Variants in MALSU1 observed in about 807,000 individuals in gnomAD.
MALSU1 encodes the protein mitochondrial assembly of ribosomal large subunit 1.
In MALSU1, 22 loss-of-function variants were observed where a neutral mutation model predicts 22.1. The ratio of observed to expected loss-of-function variants is 1.00; its 90% confidence interval spans 0.71 to 1.42. The LOEUF is 1.42. MALSU1 is among the 40% of genes most tolerant of loss of function. The probability of loss-of-function intolerance (pLI) is 0.00; values close to 1 mark genes in which losing one functional copy is unlikely to be tolerated. For missense variants in MALSU1, 379 were observed against 308.3 expected, an observed-to-expected ratio of 1.23 and a Z score of -1.72; for synonymous variants, 153 against 118.5, an observed-to-expected ratio of 1.29 and a Z score of -1.89.
In MALSU1 at chr7:23,310,830, T is replaced by A. The variant is rs1395134938; in HGVS notation, c.*1287T>A. The A allele has an allele frequency of 6.6e-6, 1 of 152,150 alleles. No homozygotes were observed. The highest frequency in any genetic ancestry group is 2.4e-5 in the African/African-American group (1 of 41,430). The allele number at this position is 152,150 out of a possible 1,614,324, so 9.4% of individuals were successfully genotyped here. ...GTTATATATATGTCCTTTAGATCAGTGTAACATGACTGTGATCATCTTACA... is the reference window on the plus strand; with the variant it reads ...GTTATATATATGTCCTTTAGATCAGAGTAACATGACTGTGATCATCTTACA... On this transcript the variant is annotated 3_prime_UTR_variant, in exon 4 of 4. Transcript: ENST00000466681.
Position 23,309,687 on chromosome 7 carries a change from G to C in MALSU1, c.*144G>C. 1 of 573,446 alleles carries C rather than the reference G, an allele frequency of 1.7e-6. No individual in the cohort carries two copies. The highest frequency in any genetic ancestry group is 2.9e-6 in the Non-Finnish European group (1 of 342,716). The allele number at this position is 573,446 out of a possible 1,614,324, so 35.5% of individuals were successfully genotyped here. A position where few individuals can be genotyped will look rare whatever the true frequency, so the allele number is the denominator to read the frequency against. ...CATGGGCACTCCTGCTAACTGGCAT[G>C]CAGAGACTGTCGATAAGTGAGCTAT... On this transcript the variant is annotated 3_prime_UTR_variant, in exon 4 of 4. Coordinates refer to ENST00000466681, the MANE Select transcript of MALSU1 (RefSeq NM_138446.2).
intron 2 of MALSU1, among the ~76,000 whole-genome samples, chr7:23,304,390 A>G (rs989842720): frequency 1.3e-5 from 2 of 152,148 alleles, no homozygotes; most frequent in Admixed American, 6.5e-5. Context: ...GCATGACGTG[A>G]TATCTCATTG....
At chr7:23,306,739 C>G (rs1179053214) in intron 2 of MALSU1, among the ~76,000 whole-genome samples, 2 of 152,076 alleles carry the variant, frequency 1.3e-5, no homozygotes, top group Non-Finnish European at 2.9e-5. Context: ...TTGCATTGAT[C>G]CGTTTTTATA....
chr7:23,302,646 G>A (rs926082013), intron 2 of MALSU1, among the ~76,000 whole-genome samples: 1 of 152,152 alleles, frequency 6.6e-6, no homozygotes. Context: ...AGAATGGGAG[G>A]TTTTACAGAG....
At chr7:23,300,123 C>T (rs1409811886) in intron 1 of MALSU1, among the ~76,000 whole-genome samples, 3 of 152,056 alleles carry the variant, frequency 2.0e-5, no homozygotes, top group African/African-American at 7.2e-5. Context: ...CTACTAGGTC[C>T]TTTGGAGTCG....
chr7:23,301,454 T>A (rs1391405176), intron 2 of MALSU1, among the ~76,000 whole-genome samples: 1 of 152,106 alleles, frequency 6.6e-6, no homozygotes, highest in African/African-American at 2.4e-5. Flanking sequence ...GAGACGGGTT[T>A]CTCCATGTTG....
chr7:23,309,660 C>T lies in MALSU1; in HGVS notation c.*117C>T. On this transcript the variant is annotated 3_prime_UTR_variant, in exon 4 of 4. Coordinates refer to ENST00000466681, the MANE Select transcript of MALSU1 (RefSeq NM_138446.2). ...TGCTCTTAGGACAAGGCTTGTGTAC[C>T]TCATGGGCACTCCTGCTAACTGGCA... The T allele has an allele frequency of 1.4e-6, 1 of 716,732 alleles. No individual in the cohort carries two copies. Among genetic ancestry groups the T allele is most frequent in the East Asian group, 2.9e-5 (1 of 34,332 alleles). The allele number at this position is 716,732 out of a possible 1,614,324, so 44.4% of individuals were successfully genotyped here. A position where few individuals can be genotyped will look rare whatever the true frequency, so the allele number is the denominator to read the frequency against.
At chr7:23,309,246 ACACTTGAGAAC>A in intron 3 of MALSU1, 99 bp from the exon 4 acceptor site, 2 of 1,003,530 alleles carry the variant, frequency 2.0e-6, no homozygotes, top group South Asian at 3.3e-5. Flanking sequence ...TCTGGGAACC[ACACTTGAGAAC>A]CACTGCTTTA....
rs1263859123 is a variant in MALSU1 at position 23,309,832 on chromosome 7, A to G, written c.*289A>G. On this transcript the variant is annotated 3_prime_UTR_variant, in exon 4 of 4. Transcript: ENST00000466681. The stretch of plus-strand genomic sequence containing the variant: ...GCTCCTGTGCTTGACTTCTCTGCTC[A>G]GATTTTTATTAATTTAATTTAGCTT... The G allele has an allele frequency of 9.9e-6, 2 of 202,088 alleles. No individual in the cohort carries two copies. The highest frequency in any genetic ancestry group is 4.6e-5 in the African/African-American group (2 of 43,376). The allele number at this position is 202,088 out of a possible 1,614,324, so 12.5% of individuals were successfully genotyped here. A position where few individuals can be genotyped will look rare whatever the true frequency, so the allele number is the denominator to read the frequency against.
intron 3 of MALSU1, 100 bp from the exon 4 acceptor site, chr7:23,309,256 A>C: frequency 9.1e-7 from 1 of 1,099,648 alleles, no homozygotes; most frequent in Non-Finnish European, 1.3e-6. Flanking sequence ...ACACTTGAGA[A>C]CCACTGCTTT....
intron 1 of MALSU1, among the ~76,000 whole-genome samples, chr7:23,299,812 C>A (rs1003729446): frequency 3.3e-5 from 5 of 152,204 alleles, no homozygotes; most frequent in Non-Finnish European, 5.9e-5. Flanking sequence ...AAGAGATGAA[C>A]TGCAGAATCC....
In MALSU1 at chr7:23,311,343, G is replaced by A. The variant is rs1783822514; in HGVS notation, c.*1800G>A. Reference sequence around the variant, plus strand: ...GAAAGTCTTGCATCTCTTCACTGATGCACTTTCTTTAGGTATTGATAGTCA... The same window carrying A: ...GAAAGTCTTGCATCTCTTCACTGATACACTTTCTTTAGGTATTGATAGTCA... On this transcript the variant is annotated 3_prime_UTR_variant, in exon 4 of 4. Coordinates refer to ENST00000466681, the MANE Select transcript of MALSU1 (RefSeq NM_138446.2). 1 of 152,528 alleles carries A rather than the reference G, an allele frequency of 6.6e-6. No homozygotes were observed. The highest frequency in any genetic ancestry group is 2.4e-5 in the African/African-American group (1 of 41,388). The allele number at this position is 152,528 out of a possible 1,614,324, so 9.4% of individuals were successfully genotyped here.
At chr7:23,308,019 A>G in intron 3 of MALSU1, 70 bp downstream of exon 3, 1 of 1,134,990 alleles carries the variant, frequency 8.8e-7, no homozygotes, top group Non-Finnish European at 1.3e-6. Context: ...TTTCAGTTGC[A>G]AAAGGATTGA....
At chr7:23,301,149 TGCA>T in intron 2 of MALSU1, 132 bp downstream of exon 2, 1 of 742,406 alleles carries the variant, frequency 1.3e-6, no homozygotes, top group Non-Finnish European at 2.2e-6. Flanking sequence ...TTTCAGAATT[TGCA>T]TGAATTCATT....
chr7:23,301,026 C>T lies in MALSU1; in HGVS notation c.435+9C>T, dbSNP rs775316696. The T allele has an allele frequency of 2.4e-5, 38 of 1,607,930 alleles. No individual in the cohort carries two copies. Among genetic ancestry groups the T allele is most frequent in the Non-Finnish European group, 3.0e-5 (35 of 1,176,296 alleles). On this transcript the variant is annotated intron_variant, in intron 2 of 3. Coordinates refer to ENST00000466681, the MANE Select transcript of MALSU1 (RefSeq NM_138446.2). ...TCTACGTTGTGAAAATGGTAGGATG[C>T]TTTCTTTTCTCTTTTGGACCATTAA...
At position 23,307,597 on chromosome 7, in the gene MALSU1, T is replaced by C. The variant is rs3772; in HGVS notation, c.436-271T>C. Reference sequence around the variant, plus strand: ...GTACCAAATGCTGACTGAGCTTAGCTTTTTCAGCCTCAGAGGCACCTTGGT... The same window carrying C: ...GTACCAAATGCTGACTGAGCTTAGCCTTTTCAGCCTCAGAGGCACCTTGGT... On this transcript the variant is annotated intron_variant, in intron 2 of 3. Transcript: ENST00000466681. 438 of 336,176 alleles carry C rather than the reference T, an allele frequency of 1.3e-3. 2 individuals carry two copies. Among genetic ancestry groups the C allele is most frequent in the Admixed American group, 1.9e-3 (41 of 21,816 alleles). 20.8% of individuals were successfully genotyped at this position (336,176 alleles called of 1,614,324 possible). A position where few individuals can be genotyped will look rare whatever the true frequency, so the allele number is the denominator to read the frequency against.
At position 23,300,832 on chromosome 7, in the gene MALSU1, A is replaced by C; in HGVS notation, c.257-7A>C. The C allele has an allele frequency of 6.2e-7, 1 of 1,611,710 alleles. No individual in the cohort carries two copies. On this transcript the variant is annotated splice_region_variant and splice_polypyrimidine_tract_variant and intron_variant, in intron 1 of 3. Coordinates refer to ENST00000466681, the MANE Select transcript of MALSU1 (RefSeq NM_138446.2). The stretch of plus-strand genomic sequence containing the variant: ...TCCTGATACAAACAACTATTTGTGC[A>C]TTTCAGATCATACTGGTCCCAAGTT...
intron 2 of MALSU1, among the ~76,000 whole-genome samples, chr7:23,301,773 A>G (rs1220528234): frequency 2.6e-5 from 4 of 152,192 alleles, no homozygotes; most frequent in Non-Finnish European, 4.4e-5. Flanking sequence ...GATCAAGACC[A>G]TCCTGGCCAA....
At chr7:23,303,612 C>A (rs1783677162) in intron 2 of MALSU1, among the ~76,000 whole-genome samples, 1 of 151,560 alleles carries the variant, frequency 6.6e-6, no homozygotes, top group African/African-American at 2.4e-5. Flanking sequence ...GCCTGGGCAA[C>A]ATGGTGAAAC....
Sources: allele counts gnomAD v4.1 joint callset (sites outside exome capture counted in the v4.1 genomes callset), GRCh38; gene constraint gnomAD v4.1.1; transcripts MANE v1.5; gene names NCBI Gene and HGNC (gene_info 2026-07-23, HGNC 2026-07-21).